Variants in FAM114A1 observed in about 807,000 individuals in gnomAD.
The protein encoded by FAM114A1 is family with sequence similarity 114 member A1, also known as protein NOXP20.
Under a neutral mutation model 64.3 loss-of-function variants are expected in FAM114A1, and 62 were observed. The observed-to-expected ratio is 0.96, with a 90% CI of 0.79 to 1.19. The LOEUF (loss-of-function observed/expected upper bound fraction) is 1.19. Ranked by LOEUF, FAM114A1 falls within the 50% of genes most tolerant of loss-of-function variation. FAM114A1 has a pLI of 0.00. For missense variants in FAM114A1, 645 were observed against 676.3 expected (o/e 0.95, Z 0.51); for synonymous variants, 254 against 251.1 (o/e 1.01, Z -0.11).
chr4:38,880,237 C>G (rs2109555405), intron 3 of FAM114A1, among the ~76,000 whole-genome samples: 1 of 152,078 alleles, frequency 6.6e-6, no homozygotes, highest in Non-Finnish European at 1.5e-5. Context: ...GCTTGGACAT[C>G]AGCAATTTTT....
At chr4:38,943,321 A>T in intron 14 of FAM114A1, 135 bp from the exon 15 acceptor site, 1 of 687,896 alleles carries the variant, frequency 1.5e-6, no homozygotes, top group Non-Finnish European at 2.5e-6. Flanking sequence ...CACTTGCTTT[A>T]AGCACCAATA....
Position 38,908,735 on chromosome 4 carries a change from A to T in FAM114A1, c.792+9A>T. 1.3e-6 allele frequency: 2 copies of T among 1,550,176 alleles called. No individual in the cohort carries two copies. Among genetic ancestry groups the T allele is most frequent in the Non-Finnish European group, 1.8e-6 (2 of 1,140,526 alleles). On this transcript the variant is annotated intron_variant, in intron 7 of 14. Coordinates refer to ENST00000358869, the MANE Select transcript of FAM114A1 (RefSeq NM_138389.4). ...CTGTTTCCTTGTCTCAGGTTGGATT[A>T]TATACGTTTGCAATTTTTTCTTTCA... is the stretch of plus-strand genomic sequence containing the variant.
At chr4:38,914,704 G>C (rs1718870729) in intron 7 of FAM114A1, 2 of 484,818 alleles carry the variant, frequency 4.1e-6, no homozygotes, top group Admixed American at 3.5e-5. Context: ...GCTTTGTTTT[G>C]CCTTTCACAT....
At chr4:38,881,193 C>A (rs1457804374) in intron 3 of FAM114A1, among the ~76,000 whole-genome samples, 1 of 138,070 alleles carries the variant, frequency 7.2e-6, no homozygotes, top group Non-Finnish European at 1.6e-5. Flanking sequence ...GACAGCGAGA[C>A]TCTGTCTCAA....
intron 3 of FAM114A1, among the ~76,000 whole-genome samples, chr4:38,882,925 C>T (rs1715436846): frequency 6.6e-6 from 1 of 152,238 alleles, no homozygotes; most frequent in Non-Finnish European, 1.5e-5. Context: ...TTCTGGCTGG[C>T]ACCTCTGTTT....
At chr4:38,891,134 T>C (rs1716333357) in intron 3 of FAM114A1, among the ~76,000 whole-genome samples, 1 of 152,186 alleles carries the variant, frequency 6.6e-6, no homozygotes, top group Non-Finnish European at 1.5e-5. Context: ...TGGAATCCAC[T>C]GAGGTCAGGG....
intron 8 of FAM114A1, among the ~76,000 whole-genome samples, chr4:38,918,972 G>T (rs1447966549): frequency 6.6e-6 from 1 of 152,048 alleles, no homozygotes; most frequent in Non-Finnish European, 1.5e-5. Flanking sequence ...GGCCAACAAG[G>T]CAAAACCCCA....
chr4:38,874,965 T>C (rs765639738), intron 2 of FAM114A1, among the ~76,000 whole-genome samples: 3 of 152,208 alleles, frequency 2.0e-5, no homozygotes, highest in Non-Finnish European at 4.4e-5. Context: ...GTTGGCTTTG[T>C]CAAAGATCAG....
intron 3 of FAM114A1, among the ~76,000 whole-genome samples, chr4:38,880,160 GAATA>G: frequency 7.8e-6 from 1 of 127,762 alleles, no homozygotes. Context: ...GAATAGAATA[GAATA>G]GAATAGAATA....
chr4:38,943,763 T>A lies in FAM114A1; in HGVS notation c.*206T>A. On this transcript the variant is annotated 3_prime_UTR_variant, in exon 15 of 15. Transcript: ENST00000358869. Reference sequence around the variant, plus strand: ...GTATAATTGTTTTTACAAACAATTGTGTTTTCTTTATGTTAATTTAAACTT... The same window carrying A: ...GTATAATTGTTTTTACAAACAATTGAGTTTTCTTTATGTTAATTTAAACTT... 1 of 431,346 alleles carries A rather than the reference T, an allele frequency of 2.3e-6. No individual in the cohort carries two copies. The highest frequency in any genetic ancestry group is 4.2e-6 in the Non-Finnish European group (1 of 236,856). The allele number at this position is 431,346 out of a possible 1,614,324, so 26.7% of individuals were successfully genotyped here. A position where few individuals can be genotyped will look rare whatever the true frequency, so the allele number is the denominator to read the frequency against.
Position 38,888,788 on chromosome 4 carries a change from G to A in FAM114A1, c.349-2955G>A, listed in dbSNP as rs138317755. On this transcript the variant is annotated intron_variant, in intron 3 of 14. Transcript: ENST00000358869. ...GTTATGGGGGAAGGGTGAGAAAAAC[G>A]TCTTTAAATCCCTCTATTGGTAATA... Among the ~76,000 whole-genome samples, 13 of 152,250 alleles carry A rather than the reference G, an allele frequency of 8.5e-5. No individual in the cohort carries two copies. In the East Asian group the frequency reaches 1.7e-3, roughly 20 times the overall value.
intron 7 of FAM114A1, among the ~76,000 whole-genome samples, chr4:38,908,967 G>A (rs1412434931): frequency 6.6e-6 from 1 of 152,146 alleles, no homozygotes; most frequent in East Asian, 1.9e-4. Context: ...TATGGATATA[G>A]ATCTATAGAT....
At chr4:38,935,563 G>A (rs1721007035) in intron 12 of FAM114A1, among the ~76,000 whole-genome samples, 155 bp from the exon 13 acceptor site, 1 of 152,204 alleles carries the variant, frequency 6.6e-6, no homozygotes, top group Admixed American at 6.5e-5. Flanking sequence ...GATGATTAAG[G>A]AAAACCGCCT....
At chr4:38,877,551 G>T (rs1376140737) in intron 2 of FAM114A1, among the ~76,000 whole-genome samples, 2 of 152,184 alleles carry the variant, frequency 1.3e-5, no homozygotes, top group Non-Finnish European at 2.9e-5. Context: ...AGGAAGCTGT[G>T]CTCACTCACC....
Position 38,940,143 on chromosome 4 carries a change from G to A in FAM114A1, c.1537-825G>A, listed in dbSNP as rs752599670. Among the ~76,000 whole-genome samples the A allele has an allele frequency of 3.4e-4, 52 of 152,126 alleles. No homozygotes were observed. The East Asian group carries it at 4.6e-3, about 14-fold the overall frequency. On this transcript the variant is annotated intron_variant, in intron 13 of 14. Coordinates refer to ENST00000358869, the MANE Select transcript of FAM114A1 (RefSeq NM_138389.4). ...TGACCTCAGGTGATCCACTCACCTC[G>A]GCCTCTGAAAGTGCTGGGACTGCAG...
intron 3 of FAM114A1, among the ~76,000 whole-genome samples, chr4:38,890,106 G>A (rs1201792279): frequency 1.3e-5 from 2 of 152,070 alleles, no homozygotes; most frequent in Non-Finnish European, 2.9e-5. Context: ...ATCTGCAAGG[G>A]TAGAAAATAA....
At chr4:38,908,443 A>T in intron 6 of FAM114A1, 149 bp from the exon 7 acceptor site, 1 of 663,710 alleles carries the variant, frequency 1.5e-6, no homozygotes, top group Non-Finnish European at 2.4e-6. Context: ...GAATAGGATT[A>T]AATGGATGAT....
intron 2 of FAM114A1, among the ~76,000 whole-genome samples, chr4:38,869,497 T>C (rs2109504607): frequency 6.6e-6 from 1 of 152,238 alleles, no homozygotes; most frequent in East Asian, 1.9e-4. Flanking sequence ...AGATTGGAGC[T>C]GGATTATGAT....
chr4:38,941,202 A>G (rs574970494), intron 14 of FAM114A1, among the ~76,000 whole-genome samples, 181 bp downstream of exon 14: 1 of 152,142 alleles, frequency 6.6e-6, no homozygotes, highest in Non-Finnish European at 1.5e-5. Context: ...TGAAGCAACA[A>G]TACCTAATTT....
Sources: allele counts gnomAD v4.1 joint callset (sites outside exome capture counted in the v4.1 genomes callset), GRCh38; gene constraint gnomAD v4.1.1; transcripts MANE v1.5; gene names NCBI Gene and HGNC (gene_info 2026-07-23, HGNC 2026-07-21).